PCDH15: variants seen among roughly 807,000 people sequenced by gnomAD.
PCDH15 encodes protocadherin related 15.
Under a neutral mutation model 178.5 loss-of-function variants are expected in PCDH15, and 129 were observed. That is an observed-to-expected ratio of 0.72 (90% CI 0.63 to 0.84). PCDH15 has a LOEUF of 0.84. Ranked by LOEUF, PCDH15 falls within the 40% of genes least tolerant of loss-of-function variation. The pLI, the probability that PCDH15 is intolerant of heterozygous loss-of-function variation, is 0.00. For synonymous variants in PCDH15, 800 were observed against 732.0 expected (o/e 1.09, Z -1.50); for missense variants, 2,230 against 2,099.9 (o/e 1.06, Z -1.21).
chr10:54,817,465 C>G (rs954389290), intron 3 of PCDH15, among the ~76,000 whole-genome samples: 2 of 151,970 alleles, frequency 1.3e-5, no homozygotes, highest in Non-Finnish European at 2.9e-5. Context: ...TCAATTGTTT[C>G]AATGCCGTAG....
chr10:54,157,195 G>A (rs892199525), intron 13 of PCDH15, among the ~76,000 whole-genome samples: 1 of 152,198 alleles, frequency 6.6e-6, no homozygotes, highest in Non-Finnish European at 1.5e-5. Context: ...CTGTGTGAGG[G>A]CTCTGACTCT....
intron 2 of PCDH15, among the ~76,000 whole-genome samples, chr10:55,150,076 G>C (rs7895694): frequency 0.16 from 7,940 of 49,120 alleles, 376 homozygotes; most frequent in African/African-American, 0.24. Context: ...AGAGGAGGGG[G>C]AGGGGAGGGG....
At chr10:53,901,776 C>A (rs1157081433) in intron 26 of PCDH15, among the ~76,000 whole-genome samples, 1 of 152,130 alleles carries the variant, frequency 6.6e-6, no homozygotes, top group Admixed American at 6.5e-5. Flanking sequence ...ACTTAAGAAT[C>A]CATGTCTTGA....
At chr10:54,051,116 G>A (rs1056514101) in intron 18 of PCDH15, among the ~76,000 whole-genome samples, 2 of 152,106 alleles carry the variant, frequency 1.3e-5, no homozygotes, top group Non-Finnish European at 2.9e-5. Flanking sequence ...TCCTTTGTAA[G>A]TATCCCCGTC....
intron 1 of PCDH15, among the ~76,000 whole-genome samples, chr10:55,300,054 T>C (rs1939625714): frequency 6.6e-6 from 1 of 152,194 alleles, no homozygotes; most frequent in African/African-American, 2.4e-5. Context: ...CAAATTTGAT[T>C]AGACAATTCT....
At chr10:54,783,173 A>G (rs1269908575) in intron 1 of PCDH15, among the ~76,000 whole-genome samples, 1 of 151,992 alleles carries the variant, frequency 6.6e-6, no homozygotes, top group Non-Finnish European at 1.5e-5. Context: ...AAAGAATAAT[A>G]ATAATTAACA....
At chr10:55,275,631 C>A (rs1289304431) in intron 1 of PCDH15, among the ~76,000 whole-genome samples, 1 of 149,518 alleles carries the variant, frequency 6.7e-6, no homozygotes, top group African/African-American at 2.4e-5. Context: ...TTTAATTTAT[C>A]TATACAATAA....
intron 1 of PCDH15, among the ~76,000 whole-genome samples, chr10:54,728,645 A>G (rs905833503): frequency 3.2e-4 from 48 of 151,254 alleles, no homozygotes; most frequent in South Asian, 1.2e-3. Flanking sequence ...TATTCAAACT[A>G]TCTCTGTAGA....
intron 28 of PCDH15, among the ~76,000 whole-genome samples, chr10:53,851,907 A>G (rs994805593): frequency 1.3e-4 from 19 of 151,666 alleles, no homozygotes; most frequent in African/African-American, 4.4e-4. Flanking sequence ...TTCCTCATCA[A>G]GTCAGTAACT....
intron 2 of PCDH15, among the ~76,000 whole-genome samples, chr10:55,363,039 T>C (rs752830399): frequency 3.3e-5 from 5 of 152,196 alleles, no homozygotes; most frequent in Non-Finnish European, 7.3e-5. Flanking sequence ...TGTAAAGCTG[T>C]CCTGGACCAC....
At chr10:54,095,647 A>G (rs1251998362) in intron 15 of PCDH15, among the ~76,000 whole-genome samples, 7 of 152,224 alleles carry the variant, frequency 4.6e-5, no homozygotes, top group Admixed American at 1.3e-4. Flanking sequence ...AAGAAGGCAT[A>G]GCAGAATCAC....
At chr10:54,765,496 T>G (rs1192523635) in intron 1 of PCDH15, among the ~76,000 whole-genome samples, 1 of 152,134 alleles carries the variant, frequency 6.6e-6, no homozygotes, top group East Asian at 1.9e-4. Flanking sequence ...TGTCTTTTAT[T>G]TTTTAAACTA....
intron 2 of PCDH15, among the ~76,000 whole-genome samples, chr10:55,342,241 A>C (rs1457045245): frequency 1.3e-5 from 2 of 151,822 alleles, no homozygotes; most frequent in Non-Finnish European, 2.9e-5. Flanking sequence ...TAGATCAATT[A>C]TAGGATTAAT....
chr10:53,874,265 A>C (rs577534670), intron 26 of PCDH15, among the ~76,000 whole-genome samples: 1 of 152,270 alleles, frequency 6.6e-6, no homozygotes, highest in East Asian at 1.9e-4. Flanking sequence ...CCAGAAAGTT[A>C]AATTCTCACC....
At chr10:54,107,965 C>G (rs1431085625) in intron 15 of PCDH15, among the ~76,000 whole-genome samples, 3 of 152,054 alleles carry the variant, frequency 2.0e-5, no homozygotes, top group Non-Finnish European at 2.9e-5. Flanking sequence ...GATTTCAAAG[C>G]CCAAAGATGG....
chr10:54,776,314 T>C (rs1057497198), intron 1 of PCDH15, among the ~76,000 whole-genome samples: 1 of 152,186 alleles, frequency 6.6e-6, no homozygotes, highest in Admixed American at 6.5e-5. Context: ...GGTATGATCA[T>C]TTTAATTTAA....
chr10:55,157,972 T>A (rs1234629425), intron 2 of PCDH15, among the ~76,000 whole-genome samples: 2 of 122,342 alleles, frequency 1.6e-5, no homozygotes, highest in East Asian at 5.4e-4. Flanking sequence ...ATAAATAAAT[T>A]AACATAAATA....
intron 2 of PCDH15, among the ~76,000 whole-genome samples, chr10:54,593,279 C>G (rs1357408279): frequency 6.6e-6 from 1 of 151,968 alleles, no homozygotes; most frequent in Non-Finnish European, 1.5e-5. Flanking sequence ...TTCCTGATGG[C>G]TTTTTGCTAT....
chr10:54,553,901 C>T (rs2086881669), intron 2 of PCDH15, among the ~76,000 whole-genome samples: 1 of 152,158 alleles, frequency 6.6e-6, no homozygotes, highest in Admixed American at 6.6e-5. Context: ...GGCTTTGAAT[C>T]ACACTAAGTG....
Sources: allele counts gnomAD v4.1 joint callset (sites outside exome capture counted in the v4.1 genomes callset), GRCh38; gene constraint gnomAD v4.1.1; transcripts MANE v1.5; gene names NCBI Gene and HGNC (gene_info 2026-07-23, HGNC 2026-07-21).